ODF4: variants seen among roughly 807,000 people sequenced by gnomAD.
ODF4 encodes the protein outer dense fiber of sperm tails 4.
ODF4 carries 11 observed loss-of-function variants against 17.0 expected under a neutral mutation model. The observed-to-expected ratio is 0.65, with a 90% CI of 0.41 to 1.07. The LOEUF (loss-of-function observed/expected upper bound fraction) is 1.07, where lower values mean the gene tolerates loss of function less well. ODF4 is among the 50% of genes least tolerant of loss of function. The pLI is 0.00. For missense variants in ODF4, 281 were observed against 310.2 expected (o/e 0.91, Z 0.71); for synonymous variants, 127 against 121.8 (o/e 1.04, Z -0.28).
At chr17:8,343,134 ATTTT>A (rs67338704) in intron 1 of ODF4, among the ~76,000 whole-genome samples, 7,312 of 141,318 alleles carry the variant, frequency 0.052, 262 homozygotes, top group Non-Finnish European at 0.08. Context: ...CTTATTGGAC[ATTTT>A]TTTTTTTTTT....
Position 8,345,157 on chromosome 17 carries a change from C to T in ODF4, c.455-186C>T, listed in dbSNP as rs1445756720. The stretch of plus-strand genomic sequence containing the variant: ...TTTGTGGGTGGTGGGAGAACAGAAC[C>T]GAGAATCGAGTTACATCATTTCTTG... On this transcript the variant is annotated intron_variant, in intron 1 of 2. Transcript: ENST00000328248. The surrounding 1 kb of genome is among the most constrained non-coding windows in gnomAD (Gnocchi z 4.1). 2.6e-5 allele frequency: 21 copies of T among 798,594 alleles called. 1 individual carries two copies. The Admixed American group carries it at 3.9e-4, about 15-fold the overall frequency. The allele number at this position is 798,594 out of a possible 1,614,324, so 49.5% of individuals were successfully genotyped here.
rs1055366004 is a variant in ODF4 at position 8,346,000 on chromosome 17, A to G, written c.*148A>G. 4.9e-6 allele frequency: 3 copies of G among 610,342 alleles called. No homozygotes were observed. In the Admixed American group the frequency reaches 8.7e-5, roughly 18 times the overall value. 37.8% of individuals were successfully genotyped at this position (610,342 alleles called of 1,614,324 possible). A position where few individuals can be genotyped will look rare whatever the true frequency, so the allele number is the denominator to read the frequency against. ...ACTCCTCTGCTTTCTCCCTGCCTTGATTGAGCTTGAGTGATGTGGAATAAA... is the reference window on the plus strand; with the variant it reads ...ACTCCTCTGCTTTCTCCCTGCCTTGGTTGAGCTTGAGTGATGTGGAATAAA... On this transcript the variant is annotated 3_prime_UTR_variant, in exon 3 of 3. Coordinates refer to ENST00000328248, the MANE Select transcript of ODF4 (RefSeq NM_153007.5). The surrounding 1 kb of genome is among the most constrained non-coding windows in gnomAD (Gnocchi z 4.1).
At chr17:8,343,278 G>C (rs889263439) in intron 1 of ODF4, among the ~76,000 whole-genome samples, 7 of 151,108 alleles carry the variant, frequency 4.6e-5, no homozygotes, top group African/African-American at 1.7e-4. Context: ...ACTACAGACA[G>C]GTGCCACTAC....
intron 1 of ODF4, among the ~76,000 whole-genome samples, chr17:8,341,948 T>C (rs1906038993): frequency 6.6e-6 from 1 of 152,208 alleles, no homozygotes; most frequent in Admixed American, 6.5e-5. Flanking sequence ...ACTTACTCCA[T>C]TTGTTCAATT....
chr17:8,342,858 A>G (rs56806048), intron 1 of ODF4, among the ~76,000 whole-genome samples: 48,628 of 151,522 alleles, frequency 0.32, 7,801 homozygotes, highest in Middle Eastern at 0.39. Flanking sequence ...TGAAGCTCCC[A>G]AGTAGCTGGC....
chr17:8,345,645 C>T lies in ODF4; in HGVS notation c.590-23C>T. The T allele has an allele frequency of 6.2e-7, 1 of 1,609,500 alleles. No individual in the cohort carries two copies. The highest frequency in any genetic ancestry group is 8.5e-7 in the Non-Finnish European group (1 of 1,176,346). On this transcript the variant is annotated intron_variant, in intron 2 of 2. Transcript: ENST00000328248. The surrounding 1 kb of genome is among the most constrained non-coding windows in gnomAD (Gnocchi z 4.1). Reference sequence around the variant, plus strand: ...AACCTCCCAGTCACAACTTTCCTCTCCCCTGTCCCTGTCCTTTCCCAGCGA... The same window carrying T: ...AACCTCCCAGTCACAACTTTCCTCTTCCCTGTCCCTGTCCTTTCCCAGCGA...
chr17:8,340,206 T>A lies in ODF4; in HGVS notation c.155T>A (p.Leu52His). 3.7e-6 allele frequency: 6 copies of A among 1,612,778 alleles called. No individual in the cohort carries two copies. The African/African-American group carries it at 5.3e-5, about 14-fold the overall frequency. ...DGRLLSSTLS[L>H]SSNRSLGQRQ... ...AGACTGCTGTCCTCCACCCTCTCCCTCAGTAGTAACAGGTCCTTGGGCCAG... is the reference window on the plus strand; with the variant it reads ...AGACTGCTGTCCTCCACCCTCTCCCACAGTAGTAACAGGTCCTTGGGCCAG... Residue 52 changes from leucine to histidine, a missense_variant, in exon 1 of 3, where the codon CTC becomes CAC. Physicochemically the swap from Leu to His is moderately conservative, Grantham distance 99. Transcript: ENST00000328248.
At position 8,343,698 on chromosome 17, in the gene ODF4, T is replaced by C. The variant is rs750330757; in HGVS notation, c.455-1645T>C. On this transcript the variant is annotated intron_variant, in intron 1 of 2. Transcript: ENST00000328248. The stretch of plus-strand genomic sequence containing the variant: ...ATTTGACAGTTTATATATATGTATG[T>C]AGAGATGGGGTTTCACCATGTTGGT... Among the ~76,000 whole-genome samples the C allele has an allele frequency of 3.2e-5, 4 of 126,676 alleles. 1 individual carries two copies. Among genetic ancestry groups the C allele is most frequent in the African/African-American group, 9.9e-5 (3 of 30,392 alleles). The allele number at this position is 126,676 out of a possible 152,430, so 83.1% of individuals were successfully genotyped here.
intron 1 of ODF4, among the ~76,000 whole-genome samples, chr17:8,341,553 G>A (rs143610649): frequency 6.6e-6 from 1 of 152,106 alleles, no homozygotes; most frequent in African/African-American, 2.4e-5. Flanking sequence ...GGAGTACAGT[G>A]GTGCAATCAT....
intron 1 of ODF4, among the ~76,000 whole-genome samples, chr17:8,342,530 C>T (rs1353457716): frequency 1.3e-5 from 2 of 151,786 alleles, no homozygotes; most frequent in African/African-American, 2.4e-5. Flanking sequence ...GGATTACAGG[C>T]GTGAGCCACC....
chr17:8,345,776 G>A lies in ODF4; in HGVS notation c.698G>A (p.Arg233Lys), dbSNP rs375929529. Residue 233 changes from arginine to lysine, a missense_variant, in exon 3 of 3, where the codon AGG becomes AAG. Arg to Lys is a conservative substitution (Grantham distance 26). Coordinates refer to ENST00000328248, the MANE Select transcript of ODF4 (RefSeq NM_153007.5). The surrounding 1 kb of genome is among the most constrained non-coding windows in gnomAD (Gnocchi z 4.1). ...SSFGSVEESP[R>K]AQTITDTPIT... ...TTCGGCTCAGTAGAAGAATCTCCAA[G>A]GGCACAGACGATCACAGACACCCCC... is the stretch of plus-strand genomic sequence containing the variant. The A allele has an allele frequency of 1.2e-6, 2 of 1,614,128 alleles. No homozygotes were observed. Among genetic ancestry groups the A allele is most frequent in the East Asian group, 2.2e-5 (1 of 44,872 alleles).
chr17:8,345,665 C>T lies in ODF4; in HGVS notation c.590-3C>T. The T allele has an allele frequency of 6.2e-7, 1 of 1,613,632 alleles. No individual in the cohort carries two copies. Among genetic ancestry groups the T allele is most frequent in the Non-Finnish European group, 8.5e-7 (1 of 1,179,628 alleles). The stretch of plus-strand genomic sequence containing the variant: ...CCTCTCCCCTGTCCCTGTCCTTTCC[C>T]AGCGATCCTTTGCTACTTCAACCAT... On this transcript the variant is annotated splice_region_variant and splice_polypyrimidine_tract_variant and intron_variant, in intron 2 of 2. Coordinates refer to ENST00000328248, the MANE Select transcript of ODF4 (RefSeq NM_153007.5). This position sits in a 1 kb window ranked among gnomAD's most constrained non-coding sequence, Gnocchi z 4.1.
At position 8,345,065 on chromosome 17, in the gene ODF4, T is replaced by A; in HGVS notation, c.455-278T>A. 1 of 1,032,214 alleles carries A rather than the reference T, an allele frequency of 9.7e-7. No homozygotes were observed. The highest frequency in any genetic ancestry group is 1.2e-6 in the Non-Finnish European group (1 of 810,562). The allele number at this position is 1,032,214 out of a possible 1,614,324, so 63.9% of individuals were successfully genotyped here. A position where few individuals can be genotyped will look rare whatever the true frequency, so the allele number is the denominator to read the frequency against. ...AAGGTGCCTCCTAGCTCTGGAAAGG[T>A]CCTTTGTTTTCCTAACCCCCATCTT... On this transcript the variant is annotated intron_variant, in intron 1 of 2. Coordinates refer to ENST00000328248, the MANE Select transcript of ODF4 (RefSeq NM_153007.5). This position sits in a 1 kb window ranked among gnomAD's most constrained non-coding sequence, Gnocchi z 4.1.
intron 1 of ODF4, among the ~76,000 whole-genome samples, chr17:8,342,243 T>TTATTTA (rs145968386): frequency 3.3e-5 from 5 of 151,170 alleles, no homozygotes; most frequent in Non-Finnish European, 7.4e-5. Context: ...GGCTTTTTAT[T>TTATTTA]TTTATTTATT....
At position 8,345,174 on chromosome 17, in the gene ODF4, C is replaced by A. The variant is rs1906184719; in HGVS notation, c.455-169C>A. On this transcript the variant is annotated intron_variant, in intron 1 of 2. Coordinates refer to ENST00000328248, the MANE Select transcript of ODF4 (RefSeq NM_153007.5). This position sits in a 1 kb window ranked among gnomAD's most constrained non-coding sequence, Gnocchi z 4.1. ...AACAGAACCGAGAATCGAGTTACAT[C>A]ATTTCTTGGTCACAGGAGAGGTAGA... 1.1e-5 allele frequency: 9 copies of A among 803,364 alleles called. No individual in the cohort carries two copies. Among genetic ancestry groups the A allele is most frequent in the Non-Finnish European group, 1.8e-5 (9 of 510,338 alleles). 49.8% of individuals were successfully genotyped at this position (803,364 alleles called of 1,614,324 possible).
At chr17:8,340,540 G>C (rs753315107) in intron 1 of ODF4, 35 bp downstream of exon 1, 7 of 1,363,450 alleles carry the variant, frequency 5.1e-6, no homozygotes, top group African/African-American at 4.3e-5. Flanking sequence ...AGCCCAGGCC[G>C]CCAGCCTGTC....
At chr17:8,344,980 A>G in intron 1 of ODF4, 2 of 1,027,780 alleles carry the variant, frequency 1.9e-6, no homozygotes, top group Non-Finnish European at 2.3e-6. Context: ...CACCTGCCCT[A>G]CCTGCCCGCT....
intron 1 of ODF4, among the ~76,000 whole-genome samples, chr17:8,343,900 T>C (rs1227637468): frequency 8.3e-6 from 1 of 121,166 alleles, no homozygotes; most frequent in Admixed American, 8.0e-5. Context: ...AGCGATTCTC[T>C]TGTCTCAGCT....
At chr17:8,343,716 A>G (rs1319248890) in intron 1 of ODF4, among the ~76,000 whole-genome samples, 1 of 125,848 alleles carries the variant, frequency 7.9e-6, no homozygotes, top group Non-Finnish European at 1.7e-5. Flanking sequence ...GGGTTTCACC[A>G]TGTTGGTCAG....
Sources: gnomAD v4.1 joint callset for allele counts (sites outside exome capture counted in the v4.1 genomes callset) on GRCh38, gnomAD v4.1.1 for gene constraint, Gnocchi (gnomAD v3.1) non-coding constraint, MANE v1.5 for transcripts, NCBI Gene and HGNC (gene_info 2026-07-23, HGNC 2026-07-21) for gene names.